The following TP63 variants were observed in gnomAD, a reference collection of about 807,000 sequenced individuals.
TP63 encodes the protein tumor protein p63.
Under a neutral mutation model 82.8 loss-of-function variants are expected in TP63, and 17 were observed. That is an observed-to-expected ratio of 0.21 (90% CI 0.14 to 0.31). TP63 has a LOEUF of 0.31. Ranked by LOEUF, TP63 falls within the 10% of genes least tolerant of loss-of-function variation. The pLI is 1.00. For missense variants in TP63, 648 were observed against 895.3 expected, an observed-to-expected ratio of 0.72 and a Z score of 3.52; for synonymous variants, 330 against 321.7, an observed-to-expected ratio of 1.03 and a Z score of -0.28.
intron 4 of TP63, among the ~76,000 whole-genome samples, chr3:189,816,549 C>A (rs910470643): frequency 5.3e-5 from 8 of 152,086 alleles, no homozygotes; most frequent in South Asian, 2.1e-4. Flanking sequence ...TATATAAAAA[C>A]CCCCTGGTTT....
Position 189,720,783 on chromosome 3 carries a change from G to A in TP63, c.63-16957G>A, listed in dbSNP as rs183796224. Among the ~76,000 whole-genome samples the A allele has an allele frequency of 3.3e-3, 495 of 150,740 alleles. 4 individuals are homozygous for A. Among genetic ancestry groups the A allele is most frequent in the Non-Finnish European group, 4.9e-3 (330 of 67,850 alleles). The stretch of plus-strand genomic sequence containing the variant: ...GAAGAAGACTGGAGGCTGGCAGGGA[G>A]CAGATAGGGAGATAGGGAGAGACTC... On this transcript the variant is annotated intron_variant, in intron 1 of 13. Transcript: ENST00000264731.
chr3:189,826,575 TGTTTA>T (rs959303023), intron 4 of TP63, among the ~76,000 whole-genome samples: 1 of 152,202 alleles, frequency 6.6e-6, no homozygotes, highest in African/African-American at 2.4e-5. Context: ...CTGAAAGGAT[TGTTTA>T]TCAGTAAGTT....
At chr3:189,870,686 A>C (rs1331545944) in intron 9 of TP63, among the ~76,000 whole-genome samples, 1 of 152,184 alleles carries the variant, frequency 6.6e-6, no homozygotes, top group African/African-American at 2.4e-5. Flanking sequence ...TAATGAGATC[A>C]CTTTATTAGA....
At chr3:189,888,407 T>C (rs984032195) in intron 11 of TP63, among the ~76,000 whole-genome samples, 1 of 152,220 alleles carries the variant, frequency 6.6e-6, no homozygotes, top group African/African-American at 2.4e-5. Context: ...ATTGTGATAA[T>C]AGTGATGATG....
chr3:189,796,393 T>C (rs1459650999), intron 3 of TP63, among the ~76,000 whole-genome samples: 2 of 151,832 alleles, frequency 1.3e-5, no homozygotes, highest in African/African-American at 4.8e-5. Context: ...ACGTGGGCAA[T>C]TGAAGAGATA....
chr3:189,607,629 C>G, the TP63 span, among the ~76,000 whole-genome samples: 1 of 151,288 alleles, frequency 6.6e-6, no homozygotes, highest in Middle Eastern at 3.2e-3. Flanking sequence ...AAATTTGTTT[C>G]TATTATAAGA....
At chr3:189,828,138 A>G (rs1711714767) in intron 4 of TP63, among the ~76,000 whole-genome samples, 2 of 151,758 alleles carry the variant, frequency 1.3e-5, no homozygotes. Flanking sequence ...CTACTCGGGA[A>G]GCCGAGGCAG....
chr3:189,721,630 G>C (rs2108770132), intron 1 of TP63, among the ~76,000 whole-genome samples: 1 of 152,236 alleles, frequency 6.6e-6, no homozygotes, highest in Non-Finnish European at 1.5e-5. Flanking sequence ...GTTTCATAAA[G>C]GGACTTCTTC....
upstream of TP63, among the ~76,000 whole-genome samples, chr3:189,629,542 G>T (rs763657231): frequency 6.6e-6 from 1 of 152,110 alleles, no homozygotes; most frequent in Non-Finnish European, 1.5e-5. Flanking sequence ...ATTTCCTAGA[G>T]ACGTCGAATT....
chr3:189,779,197 T>G (rs1263628899), intron 3 of TP63, among the ~76,000 whole-genome samples: 2 of 152,242 alleles, frequency 1.3e-5, no homozygotes, highest in African/African-American at 4.8e-5. Context: ...ATTACCTATA[T>G]TTTTAAAATG....
intron 3 of TP63, among the ~76,000 whole-genome samples, chr3:189,742,241 C>A (rs1203654438): frequency 1.2e-5 from 1 of 86,288 alleles, no homozygotes; most frequent in Non-Finnish European, 2.1e-5. Flanking sequence ...AAAACTCCAT[C>A]CCAAAAAAAA....
At chr3:189,761,095 G>A (rs116523357) in intron 3 of TP63, among the ~76,000 whole-genome samples, 1,702 of 152,278 alleles carry the variant, frequency 0.011, 33 homozygotes, top group African/African-American at 0.039. Flanking sequence ...CCAGGCCTGT[G>A]ATGGGAGAGG....
chr3:189,697,232 A>AATTTTTTT lies in TP63; in HGVS notation c.63-40508_63-40507insATTTTTTT, dbSNP rs146092678. On this transcript the variant is annotated intron_variant, in intron 1 of 13. Coordinates refer to ENST00000264731, the MANE Select transcript of TP63 (RefSeq NM_003722.5). ...AGATGTAAGGTGTATGTCTAGGTTC[A>AATTTTTTT]GTTTTTTTTTTTTTTTTGCATATGG... Among the ~76,000 whole-genome samples, 5 of 22,406 alleles carry AATTTTTTT rather than the reference A, an allele frequency of 2.2e-4. 1 individual carries two copies. Among genetic ancestry groups the AATTTTTTT allele is most frequent in the Admixed American group, 6.1e-4 (1 of 1,636 alleles). 14.7% of individuals were successfully genotyped at this position (22,406 alleles called of 152,430 possible). A position where few individuals can be genotyped will look rare whatever the true frequency, so the allele number is the denominator to read the frequency against.
At chr3:189,876,170 G>A (rs1719195886) in intron 10 of TP63, among the ~76,000 whole-genome samples, 1 of 152,118 alleles carries the variant, frequency 6.6e-6, no homozygotes, top group Non-Finnish European at 1.5e-5. Context: ...TGGATCATAT[G>A]AGAAAAAGAA....
intron 3 of TP63, among the ~76,000 whole-genome samples, chr3:189,761,858 A>G (rs1225148596): frequency 3.9e-5 from 6 of 152,326 alleles, no homozygotes; most frequent in East Asian, 1.9e-4. Flanking sequence ...AGCAAGTCAC[A>G]TCTTATGTGG....
At chr3:189,655,236 G>A (rs533104710) in intron 1 of TP63, among the ~76,000 whole-genome samples, 1 of 152,264 alleles carries the variant, frequency 6.6e-6, no homozygotes, top group Non-Finnish European at 1.5e-5. Context: ...GGAGCTTGGA[G>A]GTTGTCACTC....
At chr3:189,722,167 G>C (rs916538343) in intron 1 of TP63, among the ~76,000 whole-genome samples, 2 of 152,154 alleles carry the variant, frequency 1.3e-5, no homozygotes, top group African/African-American at 4.8e-5. Context: ...AGCTCTCTGG[G>C]GGCCAGATTA....
chr3:189,781,420 T>C (rs1560179039), intron 3 of TP63, among the ~76,000 whole-genome samples: 1 of 152,152 alleles, frequency 6.6e-6, no homozygotes, highest in Non-Finnish European at 1.5e-5. Flanking sequence ...TCTCCTATTT[T>C]CTAAAACTGA....
intron 3 of TP63, among the ~76,000 whole-genome samples, chr3:189,757,676 A>T (rs1400438727): frequency 6.6e-6 from 1 of 152,188 alleles, no homozygotes; most frequent in Non-Finnish European, 1.5e-5. Flanking sequence ...TTGAAGATAC[A>T]CTAGTGTTAT....
Sources: gnomAD v4.1 joint callset for allele counts (sites outside exome capture counted in the v4.1 genomes callset) on GRCh38, gnomAD v4.1.1 for gene constraint, MANE v1.5 for transcripts, NCBI Gene and HGNC (gene_info 2026-07-23, HGNC 2026-07-21) for gene names.